Variants in BRD10 observed in about 807,000 individuals in gnomAD.
BRD10 encodes the protein uncharacterized bromodomain-containing protein 10.
chr9:5,929,853 A>G, the BRD10 span, among the ~76,000 whole-genome samples: 5 of 152,130 alleles, frequency 3.3e-5, no homozygotes, highest in Non-Finnish European at 7.4e-5. Flanking sequence ...AATAAGGCTC[A>G]TAGAGATTAA....
At chr9:6,008,196 G>A in the BRD10 span, 3 of 972,352 alleles carry the variant, frequency 3.1e-6, no homozygotes, top group African/African-American at 1.8e-5. Flanking sequence ...GGAGGAAGGG[G>A]GTTCTCCTCT....
At chr9:5,920,837 G>C in the BRD10 span, 2 of 1,613,810 alleles carry the variant, frequency 1.2e-6, no homozygotes, top group African/African-American at 1.3e-5. Context: ...CAGAACAGAT[G>C]ATGCAAGGTG....
chr9:5,897,591 G>T, the BRD10 span: 10 of 1,614,148 alleles, frequency 6.2e-6, 1 homozygote, highest in South Asian at 7.7e-5. Context: ...AGTGATCCTG[G>T]GAGTCTTACT....
chr9:5,951,514 C>A, the BRD10 span, among the ~76,000 whole-genome samples: 1 of 152,078 alleles, frequency 6.6e-6, no homozygotes, highest in Non-Finnish European at 1.5e-5. Flanking sequence ...ATATGAAGAT[C>A]TTCTGACTAA....
At chr9:5,916,554 C>CTATATATAACT in the BRD10 span, among the ~76,000 whole-genome samples, 1 of 105,698 alleles carries the variant, frequency 9.5e-6, no homozygotes, top group South Asian at 3.7e-4. Flanking sequence ...AAACTAATCA[C>CTATATATAACT]TATATATAAA....
the BRD10 span, chr9:5,919,814 G>C: frequency 6.2e-7 from 1 of 1,613,838 alleles, no homozygotes; most frequent in Non-Finnish European, 8.5e-7. Flanking sequence ...CTTAGATGCT[G>C]GAGTATTTAT....
At chr9:5,907,633 T>G in the BRD10 span, among the ~76,000 whole-genome samples, 1 of 152,362 alleles carries the variant, frequency 6.6e-6, no homozygotes, top group South Asian at 2.1e-4. Flanking sequence ...ATGTTTCTTC[T>G]TTTAAATGTA....
At chr9:5,971,231 G>C in the BRD10 span, among the ~76,000 whole-genome samples, 1 of 152,058 alleles carries the variant, frequency 6.6e-6, no homozygotes, top group East Asian at 1.9e-4. Flanking sequence ...AAACTACTTG[G>C]ATGGTTATTA....
At chr9:5,989,402 G>C in the BRD10 span, among the ~76,000 whole-genome samples, 1 of 147,316 alleles carries the variant, frequency 6.8e-6, no homozygotes. Flanking sequence ...CTCCACTCCA[G>C]CCTGGGTGAC....
the BRD10 span, among the ~76,000 whole-genome samples, chr9:5,888,892 G>C: frequency 6.6e-6 from 1 of 152,212 alleles, no homozygotes. Flanking sequence ...ACAACAACAA[G>C]GAAGAATTTC....
At chr9:5,996,097 G>A in the BRD10 span, among the ~76,000 whole-genome samples, 4 of 152,030 alleles carry the variant, frequency 2.6e-5, no homozygotes, top group Non-Finnish European at 5.9e-5. Flanking sequence ...AAAGGCGGGG[G>A]GTTCAAGATA....
At chr9:5,932,092 G>C in the BRD10 span, among the ~76,000 whole-genome samples, 1 of 152,068 alleles carries the variant, frequency 6.6e-6, no homozygotes, top group Admixed American at 6.6e-5. Context: ...GTAAAGAGAA[G>C]AAAAGTTATA....
At chr9:5,982,766 G>A in the BRD10 span, among the ~76,000 whole-genome samples, 7 of 152,188 alleles carry the variant, frequency 4.6e-5, no homozygotes, top group Non-Finnish European at 1.0e-4. Context: ...TCTGACTGAA[G>A]GCAGTTTTTA....
the BRD10 span, among the ~76,000 whole-genome samples, chr9:5,913,328 G>T: frequency 6.6e-6 from 1 of 152,184 alleles, no homozygotes; most frequent in Admixed American, 6.5e-5. Context: ...AGAACAGAAG[G>T]GAGTCTCTAA....
the BRD10 span, among the ~76,000 whole-genome samples, chr9:5,996,747 GA>G: frequency 6.6e-6 from 1 of 152,158 alleles, no homozygotes; most frequent in South Asian, 2.1e-4. Context: ...AACAGTATTT[GA>G]AAAGTGCCTT....
the BRD10 span, among the ~76,000 whole-genome samples, chr9:5,892,716 G>A: frequency 6.6e-6 from 1 of 152,166 alleles, no homozygotes; most frequent in African/African-American, 2.4e-5. Context: ...TTCTATAAGG[G>A]GCTCAGTCAA....
chr9:5,929,529 T>C, the BRD10 span, among the ~76,000 whole-genome samples: 2 of 152,196 alleles, frequency 1.3e-5, no homozygotes, highest in Non-Finnish European at 2.9e-5. Context: ...TTACTGTAAC[T>C]TTCCCAAAGA....
the BRD10 span, among the ~76,000 whole-genome samples, chr9:5,991,263 G>A: frequency 1.3e-5 from 2 of 151,606 alleles, no homozygotes; most frequent in Non-Finnish European, 2.9e-5. Context: ...TGATATGTAC[G>A]CATACATCTA....
At chr9:5,988,548 T>C in the BRD10 span, 1 of 1,609,868 alleles carries the variant, frequency 6.2e-7, no homozygotes, top group Non-Finnish European at 8.5e-7. Context: ...TCAAGTGCCT[T>C]GGAGAAGAAT....
Sources: allele counts gnomAD v4.1 joint callset (sites outside exome capture counted in the v4.1 genomes callset), GRCh38; gene constraint gnomAD v4.1.1; transcripts MANE v1.5; gene names NCBI Gene and HGNC (gene_info 2026-07-23, HGNC 2026-07-21).